UGT1A7: variants seen among roughly 807,000 people sequenced by gnomAD.
UGT1A7 encodes the protein UDP glucuronosyltransferase family 1 member A7, also known as UDP-glucuronosyltransferase 1A7.
UGT1A7 carries 33 observed loss-of-function variants against 45.6 expected under a neutral mutation model. The observed-to-expected ratio is 0.72, with a 90% CI of 0.55 to 0.97. The LOEUF is 0.97. Ranked by LOEUF, UGT1A7 falls within the 50% of genes least tolerant of loss-of-function variation. UGT1A7 has a pLI of 0.00. For missense variants in UGT1A7, 684 were observed against 666.2 expected (o/e 1.03, Z -0.29); for synonymous variants, 274 against 250.6 (o/e 1.09, Z -0.88).
chr2:233,768,652 T>C (rs1699688984), intron 4 of UGT1A7, among the ~76,000 whole-genome samples: 1 of 146,762 alleles, frequency 6.8e-6, no homozygotes, highest in Non-Finnish European at 1.5e-5. Flanking sequence ...AGTGGTGCAA[T>C]CTTGGCTTAC....
intron 1 of UGT1A7, chr2:233,713,068 C>T (rs2076275165): frequency 6.2e-7 from 1 of 1,614,140 alleles, no homozygotes; most frequent in South Asian, 1.1e-5. Flanking sequence ...CAGCCCTGGG[C>T]TGAGAGTGGG....
In UGT1A7 at chr2:233,769,571, G is replaced by A. The variant is rs1223462167; in HGVS notation, c.1295+1132G>A. On this transcript the variant is annotated intron_variant, in intron 4 of 4. Coordinates refer to ENST00000373426, the MANE Select transcript of UGT1A7 (RefSeq NM_019077.3). This position sits in a 1 kb window ranked among gnomAD's most constrained non-coding sequence, Gnocchi z 4.4. ...AGGAAGACAGATGTGAAGAGCTGGAGCATGTTCAGATGAGAGGAGACGGAA... is the reference window on the plus strand; with the variant it reads ...AGGAAGACAGATGTGAAGAGCTGGAACATGTTCAGATGAGAGGAGACGGAA... 1 of 1,612,768 alleles carries A rather than the reference G, an allele frequency of 6.2e-7. No homozygotes were observed. The highest frequency in any genetic ancestry group is 1.3e-5 in the African/African-American group (1 of 74,922).
intron 1 of UGT1A7, among the ~76,000 whole-genome samples, chr2:233,720,300 G>A (rs2076846492): frequency 6.6e-6 from 1 of 152,266 alleles, no homozygotes. Context: ...GGAGTTGGGG[G>A]TCTGGTGTAT....
chr2:233,758,819 C>G (rs577329711), intron 1 of UGT1A7, among the ~76,000 whole-genome samples: 1 of 152,190 alleles, frequency 6.6e-6, no homozygotes, highest in African/African-American at 2.4e-5. Flanking sequence ...AGCAGTATAT[C>G]CCCCCCAAAA....
chr2:233,730,105 C>G, intron 1 of UGT1A7: 1 of 1,574,650 alleles, frequency 6.4e-7, no homozygotes, highest in Non-Finnish European at 8.6e-7. Context: ...TATTTCATTT[C>G]TGCTTCTCCT....
Position 233,769,822 on chromosome 2 carries a change from T to A in UGT1A7, c.1295+1383T>A. The A allele has an allele frequency of 2.6e-6, 2 of 764,522 alleles. No homozygotes were observed. The highest frequency in any genetic ancestry group is 1.9e-6 in the Non-Finnish European group (1 of 538,240). The allele number at this position is 764,522 out of a possible 1,614,324, so 47.4% of individuals were successfully genotyped here. On this transcript the variant is annotated intron_variant, in intron 4 of 4. Coordinates refer to ENST00000373426, the MANE Select transcript of UGT1A7 (RefSeq NM_019077.3). The surrounding 1 kb of genome is among the most constrained non-coding windows in gnomAD (Gnocchi z 4.4). ...ATGAGCCGTGATCATGCCACTGCAC[T>A]CCAGCAACCTGGGCAACAGAGTGAG... is the stretch of plus-strand genomic sequence containing the variant.
chr2:233,762,171 C>T (rs564011835), intron 1 of UGT1A7, among the ~76,000 whole-genome samples: 29 of 152,266 alleles, frequency 1.9e-4, no homozygotes, highest in African/African-American at 6.5e-4. Flanking sequence ...CTGTATGCGG[C>T]GTCCTCAACA....
chr2:233,731,825 G>C (rs994519436), intron 1 of UGT1A7, among the ~76,000 whole-genome samples: 58 of 152,108 alleles, frequency 3.8e-4, no homozygotes, highest in African/African-American at 1.4e-3. Flanking sequence ...GTGTCAAATG[G>C]TATTTCTAGT....
intron 1 of UGT1A7, among the ~76,000 whole-genome samples, chr2:233,700,294 G>A (rs1048502778): frequency 2.0e-5 from 3 of 152,140 alleles, no homozygotes; most frequent in Admixed American, 2.0e-4. Flanking sequence ...ACGTGACTTA[G>A]GCCAATGTCT....
rs1325702039 is a variant in UGT1A7, at chr2:233,682,745, A to T, written c.808A>T (p.Ile270Phe). The T allele has an allele frequency of 6.2e-7, 1 of 1,613,790 alleles. No individual in the cohort carries two copies. Among genetic ancestry groups the T allele is most frequent in the African/African-American group, 1.3e-5 (1 of 74,908 alleles). Reference sequence around the variant, plus strand: ...TCCCAAACCCGTGATGCCCAATATGATCTTCATTGGTGGTATCAACTGTCA... The same window carrying T: ...TCCCAAACCCGTGATGCCCAATATGTTCTTCATTGGTGGTATCAACTGTCA... ...EYPKPVMPNM[I>F]FIGGINCHQG... Residue 270 changes from isoleucine (I) to phenylalanine (F), a missense_variant, in exon 1 of 5, where the codon ATC becomes TTC. Ile to Phe is a conservative substitution (Grantham distance 21). Coordinates refer to ENST00000373426, the MANE Select transcript of UGT1A7 (RefSeq NM_019077.3).
At chr2:233,719,056 C>T in intron 1 of UGT1A7, 1 of 1,614,284 alleles carries the variant, frequency 6.2e-7, no homozygotes, top group Non-Finnish European at 8.5e-7. Flanking sequence ...ACCCTGACAG[C>T]CTATGCTGTT....
chr2:233,729,091 G>C (rs745755811), intron 1 of UGT1A7: 70 of 1,612,484 alleles, frequency 4.3e-5, no homozygotes, highest in Non-Finnish European at 5.1e-5. Flanking sequence ...GGCACAGCGT[G>C]GGGTGGACAG....
rs1174960322 is a variant in UGT1A7 at position 233,769,336 on chromosome 2, A to G, written c.1295+897A>G. 6.6e-6 allele frequency among the ~76,000 whole-genome samples: 1 copy of G among 152,252 alleles called. No individual in the cohort carries two copies. The highest frequency in any genetic ancestry group is 1.9e-4 in the East Asian group (1 of 5,208). ...AGCTCACTGGTAATAGGCTTATTAG[A>G]ACCTTATGGGAAGAAGTGGTGGCCA... On this transcript the variant is annotated intron_variant, in intron 4 of 4. Transcript: ENST00000373426. The surrounding 1 kb of genome is among the most constrained non-coding windows in gnomAD (Gnocchi z 4.4).
chr2:233,699,722 A>G (rs2075519528), intron 1 of UGT1A7, among the ~76,000 whole-genome samples: 1 of 152,204 alleles, frequency 6.6e-6, no homozygotes, highest in African/African-American at 2.4e-5. Flanking sequence ...AGCATTTTTT[A>G]CGGAGCGTTT....
At chr2:233,728,412 A>G (rs1046404926) in intron 1 of UGT1A7, among the ~76,000 whole-genome samples, 2 of 152,174 alleles carry the variant, frequency 1.3e-5, no homozygotes, top group Non-Finnish European at 2.9e-5. Flanking sequence ...TGCTTTAGAT[A>G]GCAGCACCTC....
intron 1 of UGT1A7, among the ~76,000 whole-genome samples, chr2:233,707,020 A>G (rs1443215716): frequency 6.6e-6 from 1 of 152,188 alleles, no homozygotes; most frequent in African/African-American, 2.4e-5. Flanking sequence ...ATCCATGGTC[A>G]GCCAGCCCCC....
chr2:233,749,216 C>G lies in UGT1A7; in HGVS notation c.856-17818C>G, dbSNP rs1401762551. ...AACATAGGTATTATTGCCAAACACT[C>G]TAAGCTTCATTTTTTAAAATCAAAC... On this transcript the variant is annotated intron_variant, in intron 1 of 4. Coordinates refer to ENST00000373426, the MANE Select transcript of UGT1A7 (RefSeq NM_019077.3). Among the ~76,000 whole-genome samples, 5 of 151,786 alleles carry G rather than the reference C, an allele frequency of 3.3e-5. No homozygotes were observed. The East Asian group carries it at 5.8e-4, about 18-fold the overall frequency.
At chr2:233,691,237 T>C in intron 1 of UGT1A7, 1 of 985,554 alleles carries the variant, frequency 1.0e-6, no homozygotes, top group Non-Finnish European at 1.2e-6. Flanking sequence ...CTTATTGCTA[T>C]CTAGATGAAC....
intron 1 of UGT1A7, chr2:233,712,961 G>A: frequency 6.2e-7 from 1 of 1,612,910 alleles, no homozygotes; most frequent in Non-Finnish European, 8.5e-7. Flanking sequence ...AACGTGGGGT[G>A]GACAGTCAGC....
Sources: allele counts gnomAD v4.1 joint callset (sites outside exome capture counted in the v4.1 genomes callset), GRCh38; gene constraint gnomAD v4.1.1; non-coding constraint Gnocchi (gnomAD v3.1); transcripts MANE v1.5; gene names NCBI Gene and HGNC (gene_info 2026-07-23, HGNC 2026-07-21).